The following DGKB variants were observed in gnomAD, a reference collection of about 807,000 sequenced individuals.
DGKB encodes 90 kDa diacylglycerol kinase.
DGKB carries 67 observed loss-of-function variants against 114.3 expected under a neutral mutation model. That is an observed-to-expected ratio of 0.59 (90% CI 0.48 to 0.72). The LOEUF (loss-of-function observed/expected upper bound fraction) is 0.72, where lower values mean the gene tolerates loss of function less well. DGKB is among the 30% of genes least tolerant of loss of function. The pLI is 0.00. For missense variants in DGKB, 907 were observed against 975.2 expected (o/e 0.93, Z 0.93); for synonymous variants, 398 against 323.1 (o/e 1.23, Z -2.49).
At chr7:14,922,484 A>G (rs996529743) in intron 1 of DGKB, among the ~76,000 whole-genome samples, 3 of 151,778 alleles carry the variant, frequency 2.0e-5, no homozygotes, top group Admixed American at 6.6e-5. Flanking sequence ...ATTGCTTTAG[A>G]TAGTGCCGTC....
chr7:14,321,292 G>GA (rs1257185096), intron 23 of DGKB, among the ~76,000 whole-genome samples: 5 of 151,018 alleles, frequency 3.3e-5, no homozygotes, highest in Admixed American at 6.6e-5. Context: ...CCCTGTCTCA[G>GA]AAAAAAAATT....
At chr7:14,210,858 T>C (rs528724955) in intron 23 of DGKB, among the ~76,000 whole-genome samples, 1 of 152,058 alleles carries the variant, frequency 6.6e-6, no homozygotes, top group Non-Finnish European at 1.5e-5. Flanking sequence ...ACCTCTGTCT[T>C]TGACTTTATA....
At chr7:14,487,769 AC>A (rs939008801) in intron 20 of DGKB, among the ~76,000 whole-genome samples, 3 of 148,866 alleles carry the variant, frequency 2.0e-5, no homozygotes, top group Admixed American at 6.7e-5. Context: ...TGCCTGACTA[AC>A]TTTTTTTTTT....
At chr7:14,312,819 A>G (rs1174368950) in intron 23 of DGKB, among the ~76,000 whole-genome samples, 1 of 152,246 alleles carries the variant, frequency 6.6e-6, no homozygotes, top group East Asian at 1.9e-4. Context: ...TCCCAATGAT[A>G]AAATTCAATG....
At chr7:14,588,073 C>T (rs1801077308) in intron 17 of DGKB, among the ~76,000 whole-genome samples, 2 of 152,058 alleles carry the variant, frequency 1.3e-5, no homozygotes. Flanking sequence ...ATGTTTTTCG[C>T]AAAGAAGGTG....
At chr7:14,345,134 T>C (rs1812264192) in intron 22 of DGKB, among the ~76,000 whole-genome samples, 167 bp downstream of exon 22, 1 of 151,614 alleles carries the variant, frequency 6.6e-6, no homozygotes, top group Admixed American at 6.6e-5. Flanking sequence ...GTATGTCAGA[T>C]AGTGCTGTAT....
At chr7:14,315,166 C>T (rs1204082408) in intron 23 of DGKB, among the ~76,000 whole-genome samples, 4 of 142,150 alleles carry the variant, frequency 2.8e-5, no homozygotes, top group East Asian at 2.1e-4. Context: ...CGGTACCAGC[C>T]GCTGCAAAAT....
At chr7:14,190,030 T>C (rs1271355564) in intron 23 of DGKB, among the ~76,000 whole-genome samples, 1 of 152,176 alleles carries the variant, frequency 6.6e-6, no homozygotes, top group African/African-American at 2.4e-5. Context: ...GGACTTACAC[T>C]GCACCATAGA....
At chr7:14,972,203 G>A (rs1464671103) in intron 1 of DGKB, among the ~76,000 whole-genome samples, 1 of 151,986 alleles carries the variant, frequency 6.6e-6, no homozygotes, top group Non-Finnish European at 1.5e-5. Context: ...ATAAACTAAA[G>A]CTTAATGTAT....
At chr7:14,402,739 G>A (rs1442718425) in intron 21 of DGKB, among the ~76,000 whole-genome samples, 1 of 151,866 alleles carries the variant, frequency 6.6e-6, no homozygotes, top group African/African-American at 2.4e-5. Flanking sequence ...TCTAGATGTT[G>A]CTGTGAAGAT....
chr7:14,918,797 G>A (rs78917120), intron 1 of DGKB, among the ~76,000 whole-genome samples: 298 of 152,120 alleles, frequency 2.0e-3, no homozygotes, highest in African/African-American at 6.5e-3. Flanking sequence ...GGGCATGGTG[G>A]CTCACGTCTG....
intron 23 of DGKB, among the ~76,000 whole-genome samples, chr7:14,259,829 G>A (rs1456299311): frequency 3.9e-5 from 6 of 152,206 alleles, no homozygotes; most frequent in South Asian, 2.1e-4. Flanking sequence ...TTTCTGGTTC[G>A]TAATAGGAAT....
chr7:14,909,776 A>G (rs568690347), intron 1 of DGKB, among the ~76,000 whole-genome samples: 1 of 152,216 alleles, frequency 6.6e-6, no homozygotes, highest in Non-Finnish European at 1.5e-5. Context: ...GAGGTGGAAT[A>G]GTTTTTTTTA....
At chr7:14,547,602 A>G (rs1794487572) in intron 20 of DGKB, among the ~76,000 whole-genome samples, 1 of 152,172 alleles carries the variant, frequency 6.6e-6, no homozygotes, top group South Asian at 2.1e-4. Flanking sequence ...TTGCAGATTA[A>G]TTACATCTTC....
chr7:14,639,139 C>A (rs1343280630), intron 13 of DGKB, among the ~76,000 whole-genome samples: 5 of 151,932 alleles, frequency 3.3e-5, no homozygotes, highest in Non-Finnish European at 7.4e-5. Context: ...CAGACACATG[C>A]AAACATGGTA....
At chr7:14,166,610 C>A (rs1784642257) in intron 25 of DGKB, among the ~76,000 whole-genome samples, 1 of 151,922 alleles carries the variant, frequency 6.6e-6, no homozygotes, top group Non-Finnish European at 1.5e-5. Context: ...CTATCTCTCC[C>A]ACTGAATGCA....
intron 6 of DGKB, among the ~76,000 whole-genome samples, chr7:14,702,103 A>C (rs1825300579): frequency 6.6e-6 from 1 of 152,190 alleles, no homozygotes; most frequent in Non-Finnish European, 1.5e-5. Context: ...ACAAATGTGA[A>C]ATTTAGAAAT....
At chr7:14,216,650 C>T (rs1020168404) in intron 23 of DGKB, among the ~76,000 whole-genome samples, 11 of 142,488 alleles carry the variant, frequency 7.7e-5, no homozygotes, top group African/African-American at 1.0e-4. Context: ...CACTTGAACC[C>T]GGGAGGTGGA....
chr7:14,908,766 G>T (rs1398525979), intron 1 of DGKB, among the ~76,000 whole-genome samples: 4 of 152,094 alleles, frequency 2.6e-5, no homozygotes, highest in African/African-American at 9.7e-5. Context: ...GGAAAAATTT[G>T]TAACAGTAAT....
Sources: gnomAD v4.1 joint callset for allele counts (sites outside exome capture counted in the v4.1 genomes callset) on GRCh38, gnomAD v4.1.1 for gene constraint, MANE v1.5 for transcripts, NCBI Gene and HGNC (gene_info 2026-07-23, HGNC 2026-07-21) for gene names.